Variants in PRR16 observed in about 807,000 individuals in gnomAD.
The protein encoded by PRR16 is proline rich 16, also known as protein Largen.
PRR16 carries 6 observed loss-of-function variants against 18.2 expected under a neutral mutation model. The observed-to-expected ratio is 0.33, with a 90% CI of 0.18 to 0.65. The LOEUF (loss-of-function observed/expected upper bound fraction) is 0.65, where lower values mean the gene tolerates loss of function less well. Among genes scored for constraint, PRR16 ranks in the 30% least tolerant of loss-of-function variants. The pLI is 0.74. For synonymous variants in PRR16, 151 were observed against 147.8 expected, an observed-to-expected ratio of 1.02 and a Z score of -0.16; for missense variants, 412 against 376.6, an observed-to-expected ratio of 1.09 and a Z score of -0.78.
intron 1 of PRR16, among the ~76,000 whole-genome samples, chr5:120,640,672 G>C (rs557535756): frequency 3.3e-5 from 5 of 152,194 alleles, no homozygotes; most frequent in Non-Finnish European, 7.4e-5. Context: ...TTTGTTCACA[G>C]GGTAACTTTT....
In PRR16 at chr5:120,549,540, G is replaced by A. The variant is rs1403062998; in HGVS notation, c.159+84895G>A. Among the ~76,000 whole-genome samples, 3 of 151,720 alleles carry A rather than the reference G, an allele frequency of 2.0e-5. No individual in the cohort carries two copies. In the East Asian group the frequency reaches 5.8e-4, roughly 30 times the overall value. Reference sequence around the variant, plus strand: ...GTTGTAAGACCCTTCTTTATCTCTGGTCTTTCTATTTACAGAAACATTTCC... The same window carrying A: ...GTTGTAAGACCCTTCTTTATCTCTGATCTTTCTATTTACAGAAACATTTCC... On this transcript the variant is annotated intron_variant, in intron 1 of 1. Transcript: ENST00000407149.
At chr5:120,681,074 G>A (rs929273078) in intron 1 of PRR16, among the ~76,000 whole-genome samples, 1 of 152,042 alleles carries the variant, frequency 6.6e-6, no homozygotes, top group African/African-American at 2.4e-5. Flanking sequence ...TTGTCTTTCT[G>A]TGTCTCTTTT....
intron 1 of PRR16, among the ~76,000 whole-genome samples, chr5:120,537,268 A>G (rs1168566141): frequency 6.6e-6 from 1 of 152,248 alleles, no homozygotes; most frequent in African/African-American, 2.4e-5. Flanking sequence ...TACATGGAAA[A>G]TTACAAGTAT....
intron 1 of PRR16, among the ~76,000 whole-genome samples, chr5:120,600,893 A>G (rs1054081456): frequency 2.0e-5 from 3 of 151,938 alleles, no homozygotes; most frequent in Admixed American, 1.3e-4. Context: ...GTGTTGCATC[A>G]GAGGTCATGA....
chr5:120,759,295 A>C, the PRR16 span, among the ~76,000 whole-genome samples: 5 of 152,114 alleles, frequency 3.3e-5, no homozygotes, highest in East Asian at 9.7e-4. Flanking sequence ...ATTTCTTAAA[A>C]TTTCCCTTAT....
chr5:120,574,918 G>A (rs10440773), intron 1 of PRR16, among the ~76,000 whole-genome samples: 44,088 of 147,856 alleles, frequency 0.3, 8,635 homozygotes, highest in African/African-American at 0.44. Flanking sequence ...GAATTTGTTC[G>A]TATACAGCAG....
At chr5:120,506,071 C>G (rs1009617229) in intron 1 of PRR16, among the ~76,000 whole-genome samples, 4 of 151,418 alleles carry the variant, frequency 2.6e-5, no homozygotes, top group Admixed American at 2.0e-4. Context: ...ACTTTTCTTG[C>G]CTTCAGAACT....
intron 1 of PRR16, among the ~76,000 whole-genome samples, chr5:120,516,463 T>C (rs1180791839): frequency 7.0e-6 from 1 of 142,142 alleles, no homozygotes; most frequent in African/African-American, 2.6e-5. Flanking sequence ...TGTCTTGTGA[T>C]ATTATTTCTC....
chr5:120,466,324 T>A (rs1457500552), intron 1 of PRR16, among the ~76,000 whole-genome samples: 1 of 152,244 alleles, frequency 6.6e-6, no homozygotes, highest in Non-Finnish European at 1.5e-5. Flanking sequence ...GGCATGTTCC[T>A]TTCGGCAGAA....
the PRR16 span, among the ~76,000 whole-genome samples, chr5:120,763,586 G>GA: frequency 5.9e-5 from 9 of 151,978 alleles, no homozygotes; most frequent in Non-Finnish European, 1.3e-4. Context: ...TTATTTCTAT[G>GA]AAAAATAATG....
chr5:120,467,021 G>T (rs1749126623), intron 1 of PRR16, among the ~76,000 whole-genome samples: 1 of 152,010 alleles, frequency 6.6e-6, no homozygotes, highest in South Asian at 2.1e-4. Context: ...GTATTTATAG[G>T]GTATGTTTAA....
At chr5:120,623,248 C>G (rs1229872214) in intron 1 of PRR16, among the ~76,000 whole-genome samples, 1 of 152,026 alleles carries the variant, frequency 6.6e-6, no homozygotes, top group Admixed American at 6.6e-5. Flanking sequence ...TATCAAGAGA[C>G]AACATTAATT....
chr5:120,722,012 A>C, the PRR16 span, among the ~76,000 whole-genome samples: 7 of 151,976 alleles, frequency 4.6e-5, no homozygotes, highest in Non-Finnish European at 7.4e-5. Flanking sequence ...TCCTAATGCT[A>C]TCCTTCCCCT....
chr5:120,765,642 C>T, the PRR16 span, among the ~76,000 whole-genome samples: 1 of 151,958 alleles, frequency 6.6e-6, no homozygotes, highest in African/African-American at 2.4e-5. Context: ...AATATGTATA[C>T]ATTAATGTCC....
At chr5:120,788,421 C>G in the PRR16 span, among the ~76,000 whole-genome samples, 2 of 151,892 alleles carry the variant, frequency 1.3e-5, no homozygotes, top group African/African-American at 4.8e-5. Flanking sequence ...AATTATGTAC[C>G]CACACATTTG....
chr5:120,651,148 A>G (rs370424142), intron 1 of PRR16, among the ~76,000 whole-genome samples: 2 of 152,052 alleles, frequency 1.3e-5, no homozygotes, highest in Non-Finnish European at 2.9e-5. Context: ...GTCTGTTCAT[A>G]TCCTTCGCCC....
the PRR16 span, among the ~76,000 whole-genome samples, chr5:120,732,859 G>A: frequency 2.6e-5 from 4 of 152,144 alleles, no homozygotes; most frequent in African/African-American, 9.7e-5. Flanking sequence ...ATGAATAAAT[G>A]AGTTTTAATT....
the PRR16 span, among the ~76,000 whole-genome samples, chr5:120,788,670 T>C: frequency 3.3e-5 from 5 of 152,228 alleles, no homozygotes; most frequent in South Asian, 1.0e-3. Flanking sequence ...CACTTTCTTG[T>C]ACAGATAAGT....
chr5:120,480,902 T>G (rs376374285), intron 1 of PRR16, among the ~76,000 whole-genome samples: 82 of 152,298 alleles, frequency 5.4e-4, no homozygotes, highest in African/African-American at 1.8e-3. Flanking sequence ...TTTGATTTCC[T>G]ATGCAATTAT....
Sources: allele counts gnomAD v4.1 joint callset (sites outside exome capture counted in the v4.1 genomes callset), GRCh38; gene constraint gnomAD v4.1.1; transcripts MANE v1.5; gene names NCBI Gene and HGNC (gene_info 2026-07-23, HGNC 2026-07-21).